Variants in SPA17 observed in about 807,000 individuals in gnomAD.
SPA17 encodes sperm autoantigenic protein 17.
SPA17 carries 7 observed loss-of-function variants against 13.8 expected under a neutral mutation model. The ratio of observed to expected loss-of-function variants is 0.51; its 90% confidence interval spans 0.29 to 0.95. The LOEUF (loss-of-function observed/expected upper bound fraction) is 0.95. SPA17 is among the 40% of genes least tolerant of loss of function. The pLI is 0.08. For synonymous variants in SPA17, 61 were observed against 59.0 expected (o/e 1.03, Z -0.16); for missense variants, 170 against 179.3 (o/e 0.95, Z 0.30).
In SPA17 at chr11:124,678,757, A is replaced by G. The variant is rs111757485; in HGVS notation, c.155-2632A>G. On this transcript the variant is annotated intron_variant, in intron 2 of 4. Coordinates refer to ENST00000227135, the MANE Select transcript of SPA17 (RefSeq NM_017425.4). ...TTTTGTTTTTTGTTTTGGCAGAGAC[A>G]GGGTTTTGCCATGTTATCGAGGCTG... is the stretch of plus-strand genomic sequence containing the variant. 1.8e-3 allele frequency among the ~76,000 whole-genome samples: 279 copies of G among 152,160 alleles called. 1 individual carries two copies. Among genetic ancestry groups the G allele is most frequent in the African/African-American group, 4.7e-3 (196 of 41,506 alleles).
rs1943676984 is a variant in SPA17, at chr11:124,696,703, G to C, written c.*2257G>C. ...ACCACTAAATGCTAAGTGCCCTTAGGCTCAGTCTTTCGACCCCATTTCTAC... is the reference window on the plus strand; with the variant it reads ...ACCACTAAATGCTAAGTGCCCTTAGCCTCAGTCTTTCGACCCCATTTCTAC... On this transcript the variant is annotated 3_prime_UTR_variant, in exon 5 of 5. Transcript: ENST00000227135. 6.6e-6 allele frequency: 1 copy of C among 152,028 alleles called. No homozygotes were observed. Among genetic ancestry groups the C allele is most frequent in the Non-Finnish European group, 1.5e-5 (1 of 68,008 alleles). The allele number at this position is 152,028 out of a possible 1,614,324, so 9.4% of individuals were successfully genotyped here.
chr11:124,688,276 G>A (rs771588367), intron 3 of SPA17, among the ~76,000 whole-genome samples: 3 of 152,184 alleles, frequency 2.0e-5, no homozygotes, highest in Non-Finnish European at 4.4e-5. Flanking sequence ...GCCTCCCAAA[G>A]TGCCGGGATT....
At chr11:124,687,080 A>T (rs1049517051) in intron 3 of SPA17, among the ~76,000 whole-genome samples, 1 of 152,168 alleles carries the variant, frequency 6.6e-6, no homozygotes, top group Non-Finnish European at 1.5e-5. Context: ...AAATAAACAA[A>T]ATCAGAAATG....
rs1565422081 is a variant in SPA17, at chr11:124,675,411, AAG to A, written c.154_154+1del. ...AAYFESLLEKREKTNFDPAEW... is the reference protein window; with the variant it reads ...AAYFESLLEKXEKTNFDPAEW... ...CCTATTTTGAGAGCCTTCTAGAGAA[AAG>A]AGAGAGTAAGCTTTCTAAAATTAGT... On this transcript the variant is annotated frameshift_variant, in exon 2 of 5. Coordinates refer to ENST00000227135, the MANE Select transcript of SPA17 (RefSeq NM_017425.4). LOFTEE classifies it high-confidence loss of function. 2 of 1,607,888 alleles carry A rather than the reference AAG, an allele frequency of 1.2e-6. No individual in the cohort carries two copies. Among genetic ancestry groups the A allele is most frequent in the Admixed American group, 1.7e-5 (1 of 58,196 alleles).
intron 3 of SPA17, among the ~76,000 whole-genome samples, chr11:124,688,833 T>A (rs1388294663): frequency 6.6e-6 from 1 of 152,226 alleles, no homozygotes; most frequent in Non-Finnish European, 1.5e-5. Flanking sequence ...CTTCAAATGA[T>A]ATTATAGGTT....
At chr11:124,677,338 C>G (rs1342428698) in intron 2 of SPA17, among the ~76,000 whole-genome samples, 1 of 152,084 alleles carries the variant, frequency 6.6e-6, no homozygotes, top group Admixed American at 6.6e-5. Flanking sequence ...GGTTACTACT[C>G]TTAATTTTTA....
chr11:124,684,453 T>C (rs1407010301), intron 3 of SPA17, among the ~76,000 whole-genome samples: 3 of 152,266 alleles, frequency 2.0e-5, no homozygotes, highest in East Asian at 3.9e-4. Flanking sequence ...ATTTTCGCCA[T>C]GTTGGCCAGG....
At chr11:124,690,497 GA>G (rs1943614921) in intron 3 of SPA17, among the ~76,000 whole-genome samples, 1 of 152,182 alleles carries the variant, frequency 6.6e-6, no homozygotes, top group Admixed American at 6.5e-5. Flanking sequence ...AGAATAATGA[GA>G]AATTGGTTAA....
intron 2 of SPA17, among the ~76,000 whole-genome samples, chr11:124,678,346 T>G (rs1008352170): frequency 6.6e-6 from 1 of 152,116 alleles, no homozygotes. Flanking sequence ...CATTTTTTTT[T>G]TAAACACAGA....
At chr11:124,678,176 G>A (rs755522914) in intron 2 of SPA17, among the ~76,000 whole-genome samples, 1 of 152,160 alleles carries the variant, frequency 6.6e-6, no homozygotes, top group African/African-American at 2.4e-5. Flanking sequence ...GAGTTTGAGT[G>A]AACAAACTAT....
intron 2 of SPA17, among the ~76,000 whole-genome samples, chr11:124,678,080 A>G (rs1298735717): frequency 2.0e-5 from 3 of 152,136 alleles, no homozygotes; most frequent in African/African-American, 7.2e-5. Flanking sequence ...CCAAAATTAT[A>G]TATGTATTTA....
rs1943444280 is a variant in SPA17 at position 124,675,155 on chromosome 11, C to T, written c.-27-83C>T. 2.2e-6 allele frequency: 3 copies of T among 1,359,994 alleles called. No homozygotes were observed. The African/African-American group carries it at 4.4e-5, about 20-fold the overall frequency. 84.2% of individuals were successfully genotyped at this position (1,359,994 alleles called of 1,614,324 possible). ...AATTCAAGTCCAGATGTATGAGTCT[C>T]AGAAATAATTTGTTGGCATAGTTGT... On this transcript the variant is annotated intron_variant, in intron 1 of 4. Coordinates refer to ENST00000227135, the MANE Select transcript of SPA17 (RefSeq NM_017425.4).
rs1380482733 is a variant in SPA17 at position 124,697,050 on chromosome 11, A to G, written c.*2604A>G. ...ACCCCATATACAATCTATCAGCAAA[A>G]CCTGTGGGCTGTACCTATAAAATAA... On this transcript the variant is annotated 3_prime_UTR_variant, in exon 5 of 5. Transcript: ENST00000227135. 6.6e-6 allele frequency: 1 copy of G among 152,040 alleles called. No individual in the cohort carries two copies. Among genetic ancestry groups the G allele is most frequent in the East Asian group, 1.9e-4 (1 of 5,196 alleles). The allele number at this position is 152,040 out of a possible 1,614,324, so 9.4% of individuals were successfully genotyped here. A position where few individuals can be genotyped will look rare whatever the true frequency, so the allele number is the denominator to read the frequency against.
chr11:124,691,544 G>T, intron 3 of SPA17, 152 bp from the exon 4 acceptor site: 1 of 436,796 alleles, frequency 2.3e-6, no homozygotes, highest in Non-Finnish European at 4.0e-6. Flanking sequence ...TTGTTTCAAT[G>T]TATTTTCCTT....
At chr11:124,679,594 C>T (rs1420889144) in intron 2 of SPA17, among the ~76,000 whole-genome samples, 1 of 152,156 alleles carries the variant, frequency 6.6e-6, no homozygotes, top group East Asian at 1.9e-4. Flanking sequence ...TAGCTCTGTA[C>T]ATTAAAGGTC....
chr11:124,681,313 T>TA (rs766595436), intron 2 of SPA17, 76 bp from the exon 3 acceptor site: 11 of 1,208,750 alleles, frequency 9.1e-6, no homozygotes, highest in Non-Finnish European at 1.1e-5. Flanking sequence ...ACAAGAAACT[T>TA]ACATTTGTGT....
chr11:124,676,209 T>TGA (rs887331073), intron 2 of SPA17: 4 of 152,458 alleles, frequency 2.6e-5, no homozygotes, highest in African/African-American at 9.6e-5. Context: ...ACTCAGGGGC[T>TGA]GAGGCAGGAG....
intron 2 of SPA17, among the ~76,000 whole-genome samples, chr11:124,677,914 A>T (rs1465606597): frequency 6.6e-6 from 1 of 152,256 alleles, no homozygotes; most frequent in Non-Finnish European, 1.5e-5. Context: ...CAGAAGTCCA[A>T]ATCAAAACTA....
At chr11:124,691,560 A>G in intron 3 of SPA17, 136 bp from the exon 4 acceptor site, 1 of 442,710 alleles carries the variant, frequency 2.3e-6, no homozygotes, top group Non-Finnish European at 4.0e-6. Context: ...TCCTTATTAA[A>G]AGATAAATAC....
Sources: allele counts gnomAD v4.1 joint callset (sites outside exome capture counted in the v4.1 genomes callset), GRCh38; gene constraint gnomAD v4.1.1; transcripts MANE v1.5; gene names NCBI Gene and HGNC (gene_info 2026-07-23, HGNC 2026-07-21).